Variants in NCOA5 observed in about 807,000 individuals in gnomAD.
The protein encoded by NCOA5 is NCoA-5.
Under a neutral mutation model 59.0 loss-of-function variants are expected in NCOA5, and 12 were observed. The observed-to-expected ratio is 0.20, with a 90% CI of 0.13 to 0.33. The LOEUF (loss-of-function observed/expected upper bound fraction) is 0.33, where lower values mean the gene tolerates loss of function less well. Among genes scored for constraint, NCOA5 ranks in the 10% least tolerant of loss-of-function variants. The probability of loss-of-function intolerance (pLI) is 1.00; values close to 1 mark genes in which losing one functional copy is unlikely to be tolerated. For missense variants in NCOA5, 655 were observed against 766.6 expected, an observed-to-expected ratio of 0.85 and a Z score of 1.72; for synonymous variants, 270 against 275.5, an observed-to-expected ratio of 0.98 and a Z score of 0.20.
chr20:46,062,782 T>G lies in NCOA5; in HGVS notation c.1258A>C (p.Thr420Pro). 1 of 1,595,330 alleles carries G rather than the reference T, an allele frequency of 6.3e-7. No homozygotes were observed. The change falls in exon 8 of 8, where the codon ACT becomes CCT. Residue 420 changes from threonine (T) to proline (P), a missense_variant. By Grantham distance (38) the Thr-to-Pro change is conservative. This residue lies in a region of NCOA5 where 325 missense variants were observed against 353.2 expected (regional missense o/e 0.92). Transcript: ENST00000290231. ...SGQVLPSATP[T>P]PSAPPTSQQE... ...TGGGAGGTGGGGGGTGCAGATGGAGTGGGTGTAGCAGAGGGGAGCACTTGG... is the reference window on the plus strand; with the variant it reads ...TGGGAGGTGGGGGGTGCAGATGGAGGGGGTGTAGCAGAGGGGAGCACTTGG...
chr20:46,064,719 G>C (rs138773018), intron 6 of NCOA5, among the ~76,000 whole-genome samples: 4 of 152,238 alleles, frequency 2.6e-5, no homozygotes, highest in Non-Finnish European at 4.4e-5. Flanking sequence ...AAACATGGTG[G>C]GAGTATTTAC....
chr20:46,062,077 CAAAACAA>C lies in NCOA5; in HGVS notation c.*216_*222del, dbSNP rs958062344. ...TGCCCCCGGAGATATTTATTTTCTA[CAAAACAA>C]AAAACAAAAAAAGATACAGCCCCAA... is the stretch of plus-strand genomic sequence containing the variant. On this transcript the variant is annotated 3_prime_UTR_variant, in exon 8 of 8. Transcript: ENST00000290231. 6 of 454,544 alleles carry C rather than the reference CAAAACAA, an allele frequency of 1.3e-5. No individual in the cohort carries two copies. The highest frequency in any genetic ancestry group is 1.2e-4 in the African/African-American group (6 of 51,440). 28.2% of individuals were successfully genotyped at this position (454,544 alleles called of 1,614,324 possible).
chr20:46,079,523 T>C, intron 1 of NCOA5, 70 bp from the exon 2 acceptor site: 1 of 1,277,076 alleles, frequency 7.8e-7, no homozygotes, highest in Non-Finnish European at 1.1e-6. Context: ...ACATTTCAAA[T>C]GAAAGCAACA....
chr20:46,077,993 G>A (rs1277631593), intron 2 of NCOA5, among the ~76,000 whole-genome samples: 1 of 152,202 alleles, frequency 6.6e-6, no homozygotes, highest in Admixed American at 6.5e-5. Context: ...TTACCTGCAA[G>A]CTGCAAGCAT....
intron 4 of NCOA5, among the ~76,000 whole-genome samples, 196 bp downstream of exon 4, chr20:46,068,306 C>G (rs1262065721): frequency 6.6e-6 from 1 of 152,232 alleles, no homozygotes; most frequent in East Asian, 1.9e-4. Context: ...GATGATGGTA[C>G]TAATTTGCAT....
At chr20:46,084,751 T>G (rs1161378649) in intron 1 of NCOA5, among the ~76,000 whole-genome samples, 1 of 151,988 alleles carries the variant, frequency 6.6e-6, no homozygotes, top group Non-Finnish European at 1.5e-5. Flanking sequence ...AGGAGAAAAA[T>G]CAGCTGAGAA....
intron 6 of NCOA5, among the ~76,000 whole-genome samples, chr20:46,064,765 C>A (rs1387468335): frequency 8.5e-5 from 13 of 152,176 alleles, no homozygotes; most frequent in Admixed American, 8.5e-4. Context: ...AACGCCCTCC[C>A]CCCACACTGG....
At chr20:46,065,678 CTAA>C (rs2042532891) in intron 5 of NCOA5, among the ~76,000 whole-genome samples, 1 of 152,172 alleles carries the variant, frequency 6.6e-6, no homozygotes, top group African/African-American at 2.4e-5. Flanking sequence ...AGTTTCTTTA[CTAA>C]TAAAACAGGA....
chr20:46,071,141 TAA>T (rs1157485401), intron 2 of NCOA5, among the ~76,000 whole-genome samples: 15 of 137,818 alleles, frequency 1.1e-4, no homozygotes, highest in Admixed American at 2.2e-4. Flanking sequence ...CAAGATGGTT[TAA>T]AAAAAAAAAA....
chr20:46,069,173 A>G (rs1040645113), intron 3 of NCOA5, among the ~76,000 whole-genome samples: 4 of 152,114 alleles, frequency 2.6e-5, no homozygotes, highest in African/African-American at 9.7e-5. Context: ...AACCATCACC[A>G]TTATCTAAAA....
rs2084782214 is a variant in NCOA5, at chr20:46,062,856, G to A, written c.1184C>T (p.Ser395Leu). 1.3e-6 allele frequency: 2 copies of A among 1,522,640 alleles called. No individual in the cohort carries two copies. The highest frequency in any genetic ancestry group is 2.6e-5 in the South Asian group (2 of 76,342). 94.3% of individuals were successfully genotyped at this position (1,522,640 alleles called of 1,614,324 possible). ...TGGCTGTGTCTTCAGCGAGGCACCC[G>A]AGGTCGCCCCGAGTGGTTGGCGGGA... is the stretch of plus-strand genomic sequence containing the variant. ...PISRQPLGAT[S>L]GASLKTQPSS... is the part of the protein sequence containing the mutation. Residue 395 changes from serine (S) to leucine (L), a missense_variant, in exon 8 of 8, where the codon TCG becomes TTG. Ser to Leu is a moderately radical substitution (Grantham distance 145). Around this residue, in one of 3 missense-constraint regions of NCOA5, gnomAD observed 325 missense variants for 353.2 expected, o/e 0.92. Coordinates refer to ENST00000290231, the MANE Select transcript of NCOA5 (RefSeq NM_020967.3).
intron 3 of NCOA5, among the ~76,000 whole-genome samples, chr20:46,069,054 C>T (rs992338270): frequency 1.3e-5 from 2 of 152,024 alleles, no homozygotes. Flanking sequence ...CAATCCAATC[C>T]GCCCACCTCG....
chr20:46,081,556 T>G (rs916784394), intron 1 of NCOA5, among the ~76,000 whole-genome samples: 3 of 152,162 alleles, frequency 2.0e-5, no homozygotes, highest in African/African-American at 7.2e-5. Flanking sequence ...GATTGTAATT[T>G]GCCTCGTAGT....
At chr20:46,081,084 A>G (rs111930057) in intron 1 of NCOA5, among the ~76,000 whole-genome samples, 11 of 152,106 alleles carry the variant, frequency 7.2e-5, no homozygotes, top group Non-Finnish European at 1.2e-4. Flanking sequence ...GAGAAATATA[A>G]TATCTTTGAG....
chr20:46,068,084 C>T (rs1439096301), intron 4 of NCOA5, among the ~76,000 whole-genome samples: 1 of 152,132 alleles, frequency 6.6e-6, no homozygotes, highest in African/African-American at 2.4e-5. Context: ...GTGTGCACCA[C>T]TGCACCAAGA....
At chr20:46,067,976 G>A (rs1480057955) in intron 4 of NCOA5, among the ~76,000 whole-genome samples, 1 of 151,762 alleles carries the variant, frequency 6.6e-6, no homozygotes, top group Non-Finnish European at 1.5e-5. Flanking sequence ...TGTCACCCAG[G>A]CTGGAGTGCA....
chr20:46,074,416 T>G (rs1044356257), intron 2 of NCOA5, among the ~76,000 whole-genome samples: 1 of 152,134 alleles, frequency 6.6e-6, no homozygotes, highest in Admixed American at 6.5e-5. Context: ...AGGAACCAAA[T>G]GCAGCATACC....
Position 46,079,396 on chromosome 20 carries a change from G to A in NCOA5, c.29C>T (p.Pro10Leu), listed in dbSNP as rs1332173993. MNTAPSRPS[P>L]TRRDPYGFGD... ...CTTCAGGGTACTTTACCTTCGTGTG[G>A]GGCTGGGTCTTGATGGAGCCGTATT... The change falls in exon 2 of 8, where the codon CCC becomes CTC. Residue 10 changes from proline to leucine, a missense_variant. By Grantham distance (98) the Pro-to-Leu change is moderately conservative. Transcript: ENST00000290231. The A allele has an allele frequency of 1.2e-6, 2 of 1,613,900 alleles. No individual in the cohort carries two copies. Among genetic ancestry groups the A allele is most frequent in the Non-Finnish European group, 1.7e-6 (2 of 1,179,990 alleles).
chr20:46,085,080 G>C (rs1269233067), intron 1 of NCOA5, among the ~76,000 whole-genome samples: 1 of 152,190 alleles, frequency 6.6e-6, no homozygotes, highest in African/African-American at 2.4e-5. Context: ...GTCCAGGCTG[G>C]AGTGCAGTGG....
Sources: gnomAD v4.1 joint callset for allele counts (sites outside exome capture counted in the v4.1 genomes callset) on GRCh38, gnomAD v4.1.1 for gene constraint, gnomAD v4.1.1 regional missense constraint, MANE v1.5 for transcripts, NCBI Gene and HGNC (gene_info 2026-07-23, HGNC 2026-07-21) for gene names.